THSD7B: variants seen among roughly 807,000 people sequenced by gnomAD.
The protein encoded by THSD7B is thrombospondin type 1 domain containing 7B, also known as thrombospondin type-1 domain-containing protein 7B.
A neutral mutation model predicts 213.6 loss-of-function variants in THSD7B; 138 were observed. The observed-to-expected ratio is 0.65, with a 90% CI of 0.56 to 0.74. The LOEUF (loss-of-function observed/expected upper bound fraction) is 0.74, where lower values mean the gene tolerates loss of function less well. THSD7B is among the 30% of genes least tolerant of loss of function. The pLI is 0.00. For missense variants in THSD7B, 1,931 were observed against 1,991.5 expected, an observed-to-expected ratio of 0.97 and a Z score of 0.58; for synonymous variants, 742 against 687.0, an observed-to-expected ratio of 1.08 and a Z score of -1.25.
chr2:137,276,133 C>A, intron 12 of THSD7B, 107 bp downstream of exon 12: 1 of 784,370 alleles, frequency 1.3e-6, no homozygotes, highest in Non-Finnish European at 2.0e-6. Flanking sequence ...ATATTATTGG[C>A]TTGAATTATT....
chr2:137,295,865 G>A (rs1683450640), intron 12 of THSD7B, among the ~76,000 whole-genome samples: 2 of 151,990 alleles, frequency 1.3e-5, no homozygotes, highest in African/African-American at 4.8e-5. Context: ...TTCATATCTG[G>A]GACCTCAAAA....
At chr2:137,075,808 A>G (rs2104898057) in intron 3 of THSD7B, among the ~76,000 whole-genome samples, 1 of 152,328 alleles carries the variant, frequency 6.6e-6, no homozygotes, top group African/African-American at 2.4e-5. Context: ...TCAAACAGAC[A>G]GGACCCTCAG....
intron 1 of THSD7B, among the ~76,000 whole-genome samples, chr2:136,796,168 A>T (rs1403824961): frequency 6.6e-6 from 1 of 151,250 alleles, no homozygotes; most frequent in East Asian, 1.9e-4. Flanking sequence ...TTTCCGTAGG[A>T]CCTCTACAGG....
chr2:136,899,646 T>C (rs1684031658), intron 2 of THSD7B, among the ~76,000 whole-genome samples: 1 of 152,206 alleles, frequency 6.6e-6, no homozygotes, highest in South Asian at 2.1e-4. Context: ...GTAAGTGGGG[T>C]TCCTAAAATT....
intron 7 of THSD7B, among the ~76,000 whole-genome samples, chr2:137,177,224 A>T (rs1573869243): frequency 6.6e-6 from 1 of 152,144 alleles, no homozygotes; most frequent in East Asian, 1.9e-4. Context: ...ATTGAATTCC[A>T]TTTATTTTCC....
At chr2:137,095,678 A>G (rs931510948) in intron 4 of THSD7B, among the ~76,000 whole-genome samples, 10 of 152,276 alleles carry the variant, frequency 6.6e-5, no homozygotes, top group African/African-American at 2.4e-4. Flanking sequence ...GAAAGGATTT[A>G]ACATATATTA....
chr2:137,146,130 G>A (rs1679697439), intron 5 of THSD7B, among the ~76,000 whole-genome samples: 1 of 152,050 alleles, frequency 6.6e-6, no homozygotes, highest in Non-Finnish European at 1.5e-5. Context: ...CAGCATATCA[G>A]TTGTTTTTAA....
chr2:136,900,399 A>T (rs1461107138), intron 2 of THSD7B, among the ~76,000 whole-genome samples: 1 of 152,052 alleles, frequency 6.6e-6, no homozygotes, highest in Non-Finnish European at 1.5e-5. Context: ...GTTGTTATCG[A>T]TCAATAGAAC....
At chr2:137,439,091 A>G (rs1687347934) in intron 14 of THSD7B, among the ~76,000 whole-genome samples, 1 of 152,124 alleles carries the variant, frequency 6.6e-6, no homozygotes, top group Admixed American at 6.6e-5. Flanking sequence ...TAGAGGGAAC[A>G]CAGCCCTGCT....
At chr2:137,424,219 T>G (rs2105030056) in intron 14 of THSD7B, among the ~76,000 whole-genome samples, 1 of 152,194 alleles carries the variant, frequency 6.6e-6, no homozygotes, top group Non-Finnish European at 1.5e-5. Context: ...ATAAAAAAAC[T>G]TAAAAGCATA....
At chr2:137,494,659 T>G (rs1472110642) in intron 15 of THSD7B, among the ~76,000 whole-genome samples, 1 of 152,164 alleles carries the variant, frequency 6.6e-6, no homozygotes, top group Non-Finnish European at 1.5e-5. Flanking sequence ...TTATTGAATG[T>G]TTTTATTACC....
intron 2 of THSD7B, among the ~76,000 whole-genome samples, chr2:137,042,533 A>G (rs1238654632): frequency 6.6e-6 from 1 of 152,164 alleles, no homozygotes; most frequent in African/African-American, 2.4e-5. Flanking sequence ...GAAAACTTTT[A>G]GTTTTGTTTA....
intron 12 of THSD7B, among the ~76,000 whole-genome samples, chr2:137,329,522 T>G (rs1161566528): frequency 2.6e-5 from 4 of 152,018 alleles, no homozygotes; most frequent in Non-Finnish European, 4.4e-5. Context: ...CCTGCCACTA[T>G]CCCCAATTAA....
chr2:137,094,619 C>T (rs1688005611), intron 3 of THSD7B, among the ~76,000 whole-genome samples: 1 of 151,568 alleles, frequency 6.6e-6, no homozygotes, highest in Non-Finnish European at 1.5e-5. Flanking sequence ...ACGGATAATA[C>T]TGTTAAAAGT....
In THSD7B at chr2:136,882,321, G is replaced by A; in HGVS notation, c.139+4G>A. The stretch of plus-strand genomic sequence containing the variant: ...AATCAGTTCATCTGGAAACCAGGTA[G>A]GAATGTCCTGGCTGTTCCTTTGTCC... On this transcript the variant is annotated splice_donor_region_variant and intron_variant, in intron 2 of 27. Coordinates refer to ENST00000409968, the MANE Select transcript of THSD7B (RefSeq NM_001316349.2). 1.3e-6 allele frequency: 2 copies of A among 1,527,322 alleles called. No homozygotes were observed. The highest frequency in any genetic ancestry group is 1.3e-5 in the South Asian group (1 of 79,666). The allele number at this position is 1,527,322 out of a possible 1,614,324, so 94.6% of individuals were successfully genotyped here. A position where few individuals can be genotyped will look rare whatever the true frequency, so the allele number is the denominator to read the frequency against.
At chr2:137,050,899 G>A (rs568581931) in intron 2 of THSD7B, among the ~76,000 whole-genome samples, 8 of 152,216 alleles carry the variant, frequency 5.3e-5, no homozygotes, top group Non-Finnish European at 8.8e-5. Flanking sequence ...TATCCAATGC[G>A]TAACTCAGTA....
At chr2:137,388,344 TA>T (rs59017100) in intron 12 of THSD7B, among the ~76,000 whole-genome samples, 4,523 of 143,502 alleles carry the variant, frequency 0.032, 229 homozygotes, top group African/African-American at 0.11. Context: ...AAAGTAACAG[TA>T]AAAAAAAAAA....
intron 2 of THSD7B, among the ~76,000 whole-genome samples, chr2:136,948,124 T>A (rs949970478): frequency 2.6e-5 from 4 of 152,172 alleles, no homozygotes; most frequent in African/African-American, 7.2e-5. Flanking sequence ...TGTTTTTTTT[T>A]AAATGACTAA....
At position 137,524,255 on chromosome 2, in the gene THSD7B, C is replaced by G. The variant is rs1228241568; in HGVS notation, c.3139-38966C>G. On this transcript the variant is annotated intron_variant, in intron 15 of 27. Coordinates refer to ENST00000409968, the MANE Select transcript of THSD7B (RefSeq NM_001316349.2). ...TGCTTGGGGAGGCTTTGCCGTTAGC[C>G]TCCCCAAGCAAAGAGCTATTTCCCA... is the stretch of plus-strand genomic sequence containing the variant. Among the ~76,000 whole-genome samples, 10 of 151,988 alleles carry G rather than the reference C, an allele frequency of 6.6e-5. No homozygotes were observed. The East Asian group carries it at 1.9e-3, about 30-fold the overall frequency.
Sources: gnomAD v4.1 joint callset for allele counts (sites outside exome capture counted in the v4.1 genomes callset) on GRCh38, gnomAD v4.1.1 for gene constraint, MANE v1.5 for transcripts, NCBI Gene and HGNC (gene_info 2026-07-23, HGNC 2026-07-21) for gene names.